MGAM2: variants seen among roughly 807,000 people sequenced by gnomAD.
The protein encoded by MGAM2 is probable maltase-glucoamylase 2.
In MGAM2, 98 loss-of-function variants were observed where a neutral mutation model predicts 96.1. That is an observed-to-expected ratio of 1.02 (90% confidence interval 0.87 to 1.21). MGAM2 has a LOEUF of 1.21. Among genes scored for constraint, MGAM2 ranks in the 50% most tolerant of loss-of-function variants. The pLI is 0.00. For missense variants in MGAM2, 2,055 were observed against 1,182.4 expected (o/e 1.74, Z -10.82); for synonymous variants, 749 against 414.8 (o/e 1.81, Z -9.79).
At chr7:142,185,287 A>T (rs1796660929) in intron 34 of MGAM2, 148 bp downstream of exon 34, 2 of 530,382 alleles carry the variant, frequency 3.8e-6, no homozygotes, top group African/African-American at 1.9e-5. Context: ...GCAGAAAGAG[A>T]TCCTCGAGTG....
chr7:142,162,350 A>T (rs1795914744), intron 23 of MGAM2, among the ~76,000 whole-genome samples: 1 of 152,020 alleles, frequency 6.6e-6, no homozygotes, highest in Admixed American at 6.6e-5. Flanking sequence ...CACATTTTTA[A>T]GGTTCTTCCA....
intron 15 of MGAM2, among the ~76,000 whole-genome samples, chr7:142,149,548 GTT>G (rs146986738): frequency 6.7e-6 from 1 of 149,242 alleles, no homozygotes. Context: ...TGGATGTTTT[GTT>G]TTTTTTTTGA....
chr7:142,181,584 G>A (rs1796544297), intron 32 of MGAM2, among the ~76,000 whole-genome samples: 1 of 152,180 alleles, frequency 6.6e-6, no homozygotes. Context: ...CTGATATCAT[G>A]CCTATGTTTC....
intron 37 of MGAM2, among the ~76,000 whole-genome samples, chr7:142,191,876 T>A (rs1450436881): frequency 3.9e-5 from 6 of 152,194 alleles, no homozygotes; most frequent in Non-Finnish European, 1.5e-5. Context: ...CTTATTTAGA[T>A]CTTTAATTTT....
chr7:142,217,189 G>C (rs1249450108), intron 46 of MGAM2, among the ~76,000 whole-genome samples: 1 of 152,020 alleles, frequency 6.6e-6, no homozygotes, highest in Admixed American at 6.6e-5. Flanking sequence ...CATAATTTAT[G>C]TCATATTATT....
chr7:142,122,251 A>C lies in MGAM2; in HGVS notation c.186+1870A>C, dbSNP rs559091069. 2.0e-5 allele frequency among the ~76,000 whole-genome samples: 3 copies of C among 152,318 alleles called. No homozygotes were observed. The East Asian group carries it at 5.8e-4, about 29-fold the overall frequency. On this transcript the variant is annotated intron_variant, in intron 3 of 47. Coordinates refer to ENST00000477922, the MANE Select transcript of MGAM2 (RefSeq NM_001293626.2). ...CTATGGATTTGAAAGTAAGTTCTAG[A>C]AACCAGTTCACTTTTTCATAAATTT...
rs6961124 is a variant in MGAM2 at position 142,149,755 on chromosome 7, A to C, written c.1634+2182A>C. On this transcript the variant is annotated intron_variant, in intron 15 of 47. Coordinates refer to ENST00000477922, the MANE Select transcript of MGAM2 (RefSeq NM_001293626.2). ...ACGGGGTTTCACAGCGTTAGCCAGG[A>C]TGGTCTCCATCTCCTGACCTCATGA... 4.0e-3 allele frequency among the ~76,000 whole-genome samples: 607 copies of C among 151,522 alleles called. 4 individuals carry two copies. Among genetic ancestry groups the C allele is most frequent in the African/African-American group, 0.014 (585 of 41,292 alleles).
At chr7:142,165,653 A>T (rs1796008525) in intron 24 of MGAM2, among the ~76,000 whole-genome samples, 1 of 152,176 alleles carries the variant, frequency 6.6e-6, no homozygotes, top group Non-Finnish European at 1.5e-5. Flanking sequence ...TCTGTATCTT[A>T]GTTTTCTGTT....
chr7:142,134,014 C>T lies in MGAM2; in HGVS notation c.609C>T (p.Ala203=), dbSNP rs766491109. ...LDTSIGPLQF[A]QQYLQLSFRL... ...CGAGCATCGGGCCCCTCCAGTTTGC[C>T]CAGCAGTACCTGCAACTGTCTTTCC... Residue 203 remains alanine, a synonymous_variant, in exon 7 of 48, where the codon GCC becomes GCT. Coordinates refer to ENST00000477922, the MANE Select transcript of MGAM2 (RefSeq NM_001293626.2). The T allele has an allele frequency of 5.5e-6, 4 of 728,776 alleles. No individual in the cohort carries two copies. Among genetic ancestry groups the T allele is most frequent in the Non-Finnish European group, 1.0e-5 (4 of 398,798 alleles). 45.1% of individuals were successfully genotyped at this position (728,776 alleles called of 1,614,324 possible).
chr7:142,171,572 G>A (rs1228660706), intron 28 of MGAM2, 132 bp downstream of exon 28: 9 of 460,546 alleles, frequency 2.0e-5, no homozygotes, highest in Middle Eastern at 4.1e-4. Context: ...AGTTGTAATA[G>A]AGCACGTGTC....
chr7:142,150,518 C>T (rs1197997856), intron 15 of MGAM2, among the ~76,000 whole-genome samples: 1 of 152,122 alleles, frequency 6.6e-6, no homozygotes, highest in African/African-American at 2.4e-5. Context: ...GTAACCTACC[C>T]TCTACCCTTT....
chr7:142,127,480 T>C (rs758273745), intron 3 of MGAM2, among the ~76,000 whole-genome samples: 1 of 152,210 alleles, frequency 6.6e-6, no homozygotes, highest in Non-Finnish European at 1.5e-5. Context: ...TAAATCTTGT[T>C]CTAAATCTTA....
chr7:142,143,097 C>T (rs1403855441), intron 12 of MGAM2, among the ~76,000 whole-genome samples: 1 of 152,044 alleles, frequency 6.6e-6, no homozygotes, highest in Admixed American at 6.6e-5. Flanking sequence ...CATTATGTTC[C>T]CGGAGTGTAA....
At position 142,220,699 on chromosome 7, in the gene MGAM2, C is replaced by T. The variant is rs1046623249; in HGVS notation, c.6188C>T (p.Thr2063Ile). 3 of 702,222 alleles carry T rather than the reference C, an allele frequency of 4.3e-6. No homozygotes were observed. The highest frequency in any genetic ancestry group is 1.5e-5 in the South Asian group (1 of 67,604). 43.5% of individuals were successfully genotyped at this position (702,222 alleles called of 1,614,324 possible). A position where few individuals can be genotyped will look rare whatever the true frequency, so the allele number is the denominator to read the frequency against. Reference protein sequence around the residue: ...STSATVPITTTPSPTNTADAN... With the variant: ...STSATVPITTIPSPTNTADAN... ...AGTGCTACTGTTCCTATTACAACCACACCTTCCCCTACAAATACTGCTGAT... is the reference window on the plus strand; with the variant it reads ...AGTGCTACTGTTCCTATTACAACCATACCTTCCCCTACAAATACTGCTGAT... The change falls in exon 48 of 48, where the codon ACA becomes ATA. Residue 2063 changes from threonine (T) to isoleucine (I), a missense_variant. Thr to Ile is a moderately conservative substitution (Grantham distance 89). Transcript: ENST00000477922.
Position 142,198,204 on chromosome 7 carries a change from T to C in MGAM2, c.4923+9T>C. The stretch of plus-strand genomic sequence containing the variant: ...GGTATGACTATAGCACGGTAAGAAC[T>C]AATATATTTGTGAAGAACCAGTTTG... On this transcript the variant is annotated intron_variant, in intron 43 of 47. Coordinates refer to ENST00000477922, the MANE Select transcript of MGAM2 (RefSeq NM_001293626.2). The C allele has an allele frequency of 1.4e-6, 1 of 702,428 alleles. No homozygotes were observed. Among genetic ancestry groups the C allele is most frequent in the Middle Eastern group, 2.3e-4 (1 of 4,370 alleles). 43.5% of individuals were successfully genotyped at this position (702,428 alleles called of 1,614,324 possible).
chr7:142,130,396 A>G (rs1794850679), intron 3 of MGAM2, among the ~76,000 whole-genome samples: 2 of 152,214 alleles, frequency 1.3e-5, no homozygotes, highest in African/African-American at 2.4e-5. Flanking sequence ...TAAAAATACT[A>G]TGTGATTTCC....
chr7:142,208,362 C>T (rs1797473598), intron 45 of MGAM2: 3 of 651,406 alleles, frequency 4.6e-6, no homozygotes, highest in Non-Finnish European at 8.5e-6. Context: ...TTCTGACCTC[C>T]CCGGCAAGGT....
At chr7:142,212,419 A>T (rs1208259782) in intron 46 of MGAM2, among the ~76,000 whole-genome samples, 2 of 152,224 alleles carry the variant, frequency 1.3e-5, no homozygotes, top group Non-Finnish European at 2.9e-5. Flanking sequence ...AAATTGGATA[A>T]AGAGTCAAGA....
chr7:142,152,996 T>C (rs1367739966), intron 15 of MGAM2, among the ~76,000 whole-genome samples: 3 of 148,168 alleles, frequency 2.0e-5, no homozygotes, highest in Non-Finnish European at 4.5e-5. Flanking sequence ...TTATTCCTTT[T>C]TTTTTTTTTT....
Sources: allele counts gnomAD v4.1 joint callset (sites outside exome capture counted in the v4.1 genomes callset), GRCh38; gene constraint gnomAD v4.1.1; transcripts MANE v1.5; gene names NCBI Gene and HGNC (gene_info 2026-07-23, HGNC 2026-07-21).